The following PEMT variants were observed in gnomAD, a reference collection of about 807,000 sequenced individuals.
The protein encoded by PEMT is phospholipid methyltransferase.
In PEMT, 23 loss-of-function variants were observed where a neutral mutation model predicts 27.4. That is an observed-to-expected ratio of 0.84 (90% CI 0.60 to 1.19). The LOEUF (loss-of-function observed/expected upper bound fraction) is 1.19, where lower values mean the gene tolerates loss of function less well. PEMT is among the 50% of genes most tolerant of loss of function. The pLI, the probability that PEMT is intolerant of heterozygous loss-of-function variation, is 0.00. For synonymous variants in PEMT, 137 were observed against 139.1 expected (o/e 0.98, Z 0.11); for missense variants, 307 against 310.1 (o/e 0.99, Z 0.07).
intron 2 of PEMT, among the ~76,000 whole-genome samples, chr17:17,524,067 C>T (rs903670752): frequency 8.5e-5 from 13 of 152,270 alleles, no homozygotes; most frequent in African/African-American, 1.7e-4. Flanking sequence ...TCTCAAGGTT[C>T]GTCTGTGCCA....
intron 2 of PEMT, among the ~76,000 whole-genome samples, chr17:17,540,106 G>T (rs1332752151): frequency 6.6e-6 from 1 of 152,222 alleles, no homozygotes; most frequent in East Asian, 1.9e-4. Context: ...AAGGGAAGGG[G>T]CCAAAATGGG....
chr17:17,585,181 T>C (rs1011442365), intron 1 of PEMT, among the ~76,000 whole-genome samples: 8 of 151,998 alleles, frequency 5.3e-5, no homozygotes, highest in African/African-American at 4.8e-5. Context: ...CCACTAAACA[T>C]ACAAAAATTA....
At chr17:17,526,876 C>A (rs1178019180) in intron 2 of PEMT, among the ~76,000 whole-genome samples, 1 of 152,154 alleles carries the variant, frequency 6.6e-6, no homozygotes, top group Non-Finnish European at 1.5e-5. Flanking sequence ...GCAATGAACA[C>A]AGCCTCCCAC....
chr17:17,559,199 G>A (rs1910289652), intron 2 of PEMT, among the ~76,000 whole-genome samples: 3 of 152,256 alleles, frequency 2.0e-5, no homozygotes, highest in African/African-American at 4.8e-5. Flanking sequence ...CCTTCTCCAC[G>A]CCTGGCTCCA....
intron 2 of PEMT, among the ~76,000 whole-genome samples, chr17:17,553,145 G>T (rs1030329065): frequency 1.3e-5 from 2 of 152,204 alleles, no homozygotes; most frequent in Admixed American, 1.3e-4. Context: ...CTGTATCCAT[G>T]GCCAGGAAGA....
chr17:17,573,179 ACT>A (rs1218739480), intron 2 of PEMT, among the ~76,000 whole-genome samples: 1 of 141,230 alleles, frequency 7.1e-6, no homozygotes, highest in Non-Finnish European at 1.5e-5. Context: ...ACAGAGCAAG[ACT>A]CTGTCTCAAA....
chr17:17,567,394 A>G (rs4646358), intron 2 of PEMT, among the ~76,000 whole-genome samples: 68,108 of 152,308 alleles, frequency 0.45, 15,805 homozygotes, highest in Middle Eastern at 0.52. Flanking sequence ...CAGTGCCAGC[A>G]GCACACAGAG....
chr17:17,556,965 C>G (rs1231971412), intron 2 of PEMT, among the ~76,000 whole-genome samples: 3 of 152,184 alleles, frequency 2.0e-5, no homozygotes, highest in Non-Finnish European at 2.9e-5. Flanking sequence ...CAGAGAAGCC[C>G]TCAGTCTTGG....
chr17:17,556,857 C>G (rs1431175204), intron 2 of PEMT, among the ~76,000 whole-genome samples: 1 of 152,288 alleles, frequency 6.6e-6, no homozygotes, highest in East Asian at 1.9e-4. Context: ...TCAAATGCGT[C>G]TGCAGATGTC....
intron 2 of PEMT, chr17:17,570,969 C>T: frequency 1.0e-6 from 1 of 953,266 alleles, no homozygotes; most frequent in Admixed American, 6.2e-5. Context: ...GCAGGGGCTC[C>T]CTTTGGAGAC....
At chr17:17,522,466 T>G (rs571717010) in intron 2 of PEMT, 71 bp from the exon 3 acceptor site, 2 of 913,998 alleles carry the variant, frequency 2.2e-6, no homozygotes, top group East Asian at 5.1e-5. Context: ...GGGGAGCACA[T>G]GCCTCTCTCT....
chr17:17,525,490 A>T (rs960628022), intron 2 of PEMT, among the ~76,000 whole-genome samples: 10 of 152,214 alleles, frequency 6.6e-5, no homozygotes, highest in African/African-American at 2.2e-4. Flanking sequence ...CGGGTGCCGG[A>T]CGCAGTCGCC....
intron 2 of PEMT, among the ~76,000 whole-genome samples, chr17:17,572,637 C>T (rs1420910659): frequency 2.0e-5 from 3 of 152,216 alleles, no homozygotes; most frequent in South Asian, 4.1e-4. Flanking sequence ...GCTGTGTCAC[C>T]GGCAGTGCTA....
At position 17,591,657 on chromosome 17, in the gene PEMT, G is replaced by GCCCCGCTGCAGCCACGCGCC; in HGVS notation, c.-51_-32dup. On this transcript the variant is annotated 5_prime_UTR_variant, in exon 1 of 7. Transcript: ENST00000255389. Reference sequence around the variant, plus strand: ...GGCCGCCTCAGGAGGCACCACGCGGGCCCCGCTGCAGCCACGCGCCCCCGG... The same window carrying GCCCCGCTGCAGCCACGCGCC: ...GGCCGCCTCAGGAGGCACCACGCGGGCCCCGCTGCAGCCACGCGCCCCCCGCTGCAGCCACGCGCCCCCGG... The GCCCCGCTGCAGCCACGCGCC allele has an allele frequency of 6.3e-7, 1 of 1,597,088 alleles. No individual in the cohort carries two copies. Among genetic ancestry groups the GCCCCGCTGCAGCCACGCGCC allele is most frequent in the East Asian group, 2.3e-5 (1 of 43,550 alleles).
chr17:17,579,180 A>G (rs577342307), intron 1 of PEMT, among the ~76,000 whole-genome samples: 50 of 152,318 alleles, frequency 3.3e-4, no homozygotes, highest in African/African-American at 9.6e-4. Flanking sequence ...CCCAAACGAC[A>G]GTCTCCTGAC....
At chr17:17,573,384 T>G (rs1035511997) in intron 2 of PEMT, among the ~76,000 whole-genome samples, 2 of 150,380 alleles carry the variant, frequency 1.3e-5, no homozygotes, top group Non-Finnish European at 3.0e-5. Flanking sequence ...GGGGAATCGC[T>G]TGAACCTGAG....
At chr17:17,577,927 G>A (rs534911748) in intron 1 of PEMT, among the ~76,000 whole-genome samples, 36 of 150,572 alleles carry the variant, frequency 2.4e-4, no homozygotes, top group African/African-American at 8.3e-4. Flanking sequence ...TGAGGCAGGA[G>A]AATGGCATGA....
Position 17,505,833 on chromosome 17 carries a change from C to T in PEMT, c.669G>A (p.Glu223=). Residue 223 remains glutamate, a synonymous_variant, in exon 7 of 7, where the codon GAG becomes GAA. Coordinates refer to ENST00000255389, the MANE Select transcript of PEMT (RefSeq NM_148172.3). ...ALLYEEPFTA[E]IYRQKASGSH... is the part of the protein sequence containing the mutation. The stretch of plus-strand genomic sequence containing the variant: ...ACCCGGAGGCTTTCTGCCGGTAGAT[C>T]TCAGCGGTGAAGGGCCTGCCGGGCA... 6.2e-7 allele frequency: 1 copy of T among 1,611,248 alleles called. No individual in the cohort carries two copies. Among genetic ancestry groups the T allele is most frequent in the African/African-American group, 1.3e-5 (1 of 74,930 alleles).
chr17:17,557,214 G>A (rs1247031853), intron 2 of PEMT, among the ~76,000 whole-genome samples: 1 of 152,146 alleles, frequency 6.6e-6, no homozygotes, highest in African/African-American at 2.4e-5. Context: ...TTCCTGCCTG[G>A]CTGATTCTTG....
Sources: gnomAD v4.1 joint callset for allele counts (sites outside exome capture counted in the v4.1 genomes callset) on GRCh38, gnomAD v4.1.1 for gene constraint, MANE v1.5 for transcripts, NCBI Gene and HGNC (gene_info 2026-07-23, HGNC 2026-07-21) for gene names.